The following SNTG1 variants were observed in gnomAD, a reference collection of about 807,000 sequenced individuals.
The protein encoded by SNTG1 is gamma-1-syntrophin.
A neutral mutation model predicts 74.7 loss-of-function variants in SNTG1; 39 were observed. The observed-to-expected ratio is 0.52, with a 90% confidence interval of 0.40 to 0.68. The LOEUF (loss-of-function observed/expected upper bound fraction) is 0.68. SNTG1 is among the 30% of genes least tolerant of loss of function. SNTG1 has a pLI of 0.00. For missense variants in SNTG1, 685 were observed against 609.5 expected (o/e 1.12, Z -1.30); for synonymous variants, 254 against 217.1 (o/e 1.17, Z -1.49).
intron 2 of SNTG1, among the ~76,000 whole-genome samples, chr8:50,351,098 A>G (rs1308026724): frequency 6.6e-6 from 1 of 152,190 alleles, no homozygotes; most frequent in Non-Finnish European, 1.5e-5. Flanking sequence ...CCAATTCCGG[A>G]CACACCCTTA....
rs142828783 is a variant in SNTG1 at position 50,278,757 on chromosome 8, A to G, written c.-28+106122A>G. ...CTTAAATTGAATCAAGTACAGTTAC[A>G]TATCTAAAGAAACAAACATCAGACA... On this transcript the variant is annotated intron_variant, in intron 2 of 18. Transcript: ENST00000642720. Among the ~76,000 whole-genome samples, 792 of 152,236 alleles carry G rather than the reference A, an allele frequency of 5.2e-3. 16 individuals are homozygous for G. The highest frequency in any genetic ancestry group is 0.018 in the African/African-American group (764 of 41,560).
intron 15 of SNTG1, among the ~76,000 whole-genome samples, chr8:50,683,378 A>G (rs923054416): frequency 2.0e-5 from 3 of 152,186 alleles, no homozygotes; most frequent in African/African-American, 7.2e-5. Flanking sequence ...GATGGAATGA[A>G]CATTCTTTAG....
intron 4 of SNTG1, among the ~76,000 whole-genome samples, chr8:50,426,316 G>A (rs1326114925): frequency 6.6e-6 from 1 of 152,066 alleles, no homozygotes; most frequent in Non-Finnish European, 1.5e-5. Flanking sequence ...TCAATGAAGG[G>A]CCACATATAT....
chr8:50,571,109 C>T (rs138303759), intron 12 of SNTG1, among the ~76,000 whole-genome samples: 141 of 152,324 alleles, frequency 9.3e-4, no homozygotes, highest in African/African-American at 3.3e-3. Flanking sequence ...TGCCTGCCTG[C>T]CCCCATGCCC....
At chr8:50,535,548 T>C (rs1472971412) in intron 10 of SNTG1, among the ~76,000 whole-genome samples, 2 of 152,174 alleles carry the variant, frequency 1.3e-5, no homozygotes, top group Non-Finnish European at 2.9e-5. Context: ...GAGGTGCTCA[T>C]TGAGTCACCA....
intron 13 of SNTG1, among the ~76,000 whole-genome samples, chr8:50,614,180 T>C (rs547419388): frequency 6.6e-6 from 1 of 152,268 alleles, no homozygotes; most frequent in Admixed American, 6.5e-5. Flanking sequence ...TTACATACAA[T>C]TTATTACAAA....
At chr8:50,394,111 T>G in intron 2 of SNTG1, 101 bp from the exon 3 acceptor site, 3 of 843,468 alleles carry the variant, frequency 3.6e-6, no homozygotes, top group Middle Eastern at 2.4e-4. Flanking sequence ...GTAAACACAG[T>G]TTTCCCACAA....
intron 1 of SNTG1, among the ~76,000 whole-genome samples, chr8:50,052,148 T>C (rs982342164): frequency 6.6e-6 from 1 of 152,022 alleles, no homozygotes; most frequent in Non-Finnish European, 1.5e-5. Context: ...ATTTCCTGAT[T>C]TCAAAACTGA....
intron 1 of SNTG1, among the ~76,000 whole-genome samples, chr8:50,140,003 T>C (rs1388484808): frequency 6.6e-6 from 1 of 152,216 alleles, no homozygotes; most frequent in Admixed American, 6.5e-5. Flanking sequence ...CTGTTTTATA[T>C]TGCAAAGAAA....
At chr8:50,788,449 C>T (rs2095682039) in intron 18 of SNTG1, among the ~76,000 whole-genome samples, 1 of 151,906 alleles carries the variant, frequency 6.6e-6, no homozygotes, top group Non-Finnish European at 1.5e-5. Context: ...TAGATGATGA[C>T]TTAGTTGGCT....
chr8:50,409,417 G>A (rs1251809198), intron 4 of SNTG1, among the ~76,000 whole-genome samples: 1 of 152,154 alleles, frequency 6.6e-6, no homozygotes, highest in Non-Finnish European at 1.5e-5. Flanking sequence ...TTTTAGCATT[G>A]AGTTCATATC....
intron 17 of SNTG1, among the ~76,000 whole-genome samples, chr8:50,744,425 G>A (rs1354848179): frequency 6.6e-6 from 1 of 151,810 alleles, no homozygotes; most frequent in Non-Finnish European, 1.5e-5. Context: ...ATTGATGAAA[G>A]CAATATAAAA....
At chr8:50,357,666 A>T (rs1006386614) in intron 2 of SNTG1, among the ~76,000 whole-genome samples, 1 of 152,212 alleles carries the variant, frequency 6.6e-6, no homozygotes, top group Non-Finnish European at 1.5e-5. Context: ...CCTTGTCAGC[A>T]CATTCATGTT....
At chr8:50,151,672 G>A in intron 1 of SNTG1, among the ~76,000 whole-genome samples, 1 of 152,144 alleles carries the variant, frequency 6.6e-6, no homozygotes, top group Non-Finnish European at 1.5e-5. Context: ...TGTGTACCCA[G>A]TAGTCATTCA....
chr8:50,777,944 T>C (rs930723360), intron 18 of SNTG1, among the ~76,000 whole-genome samples: 1 of 151,896 alleles, frequency 6.6e-6, no homozygotes, highest in Non-Finnish European at 1.5e-5. Flanking sequence ...TGAGTGAGAA[T>C]ATGCGGTGTT....
chr8:50,286,020 C>G (rs1470427016), intron 2 of SNTG1, among the ~76,000 whole-genome samples: 1 of 152,054 alleles, frequency 6.6e-6, no homozygotes, highest in African/African-American at 2.4e-5. Flanking sequence ...TTGAACCCTT[C>G]TATTCTACCA....
At chr8:50,067,909 A>T (rs189621841) in intron 1 of SNTG1, among the ~76,000 whole-genome samples, 1 of 152,302 alleles carries the variant, frequency 6.6e-6, no homozygotes, top group East Asian at 1.9e-4. Context: ...GAATGATTGC[A>T]GATATCTTTC....
intron 2 of SNTG1, among the ~76,000 whole-genome samples, chr8:50,365,253 T>G (rs1340852388): frequency 2.0e-5 from 3 of 152,136 alleles, no homozygotes; most frequent in African/African-American, 7.2e-5. Flanking sequence ...ATGTCTTTAA[T>G]TTTTGATGGT....
At chr8:50,302,738 TATAAC>T (rs146263851) in intron 2 of SNTG1, among the ~76,000 whole-genome samples, 10,515 of 152,210 alleles carry the variant, frequency 0.069, 406 homozygotes, top group African/African-American at 0.085. Context: ...TTCAGCATGT[TATAAC>T]ATAACACGGG....
Sources: allele counts gnomAD v4.1 joint callset (sites outside exome capture counted in the v4.1 genomes callset), GRCh38; gene constraint gnomAD v4.1.1; transcripts MANE v1.5; gene names NCBI Gene and HGNC (gene_info 2026-07-23, HGNC 2026-07-21).